Variants in SPOCK3 observed in about 807,000 individuals in gnomAD.
SPOCK3 encodes the protein SPARC (osteonectin), cwcv and kazal like domains proteoglycan 3, also known as testican-3.
SPOCK3 carries 30 observed loss-of-function variants against 56.6 expected under a neutral mutation model. The observed-to-expected ratio is 0.53, with a 90% CI of 0.40 to 0.72. SPOCK3 has a LOEUF of 0.72. Among genes scored for constraint, SPOCK3 ranks in the 30% least tolerant of loss-of-function variants. The probability of loss-of-function intolerance (pLI) is 0.00; values close to 1 mark genes in which losing one functional copy is unlikely to be tolerated. For missense variants in SPOCK3, 527 were observed against 530.0 expected (o/e 0.99, Z 0.06); for synonymous variants, 196 against 183.3 (o/e 1.07, Z -0.56).
intron 4 of SPOCK3, among the ~76,000 whole-genome samples, chr4:166,957,607 T>C (rs1743639645): frequency 2.0e-5 from 3 of 152,216 alleles, no homozygotes; most frequent in African/African-American, 7.2e-5. Context: ...ATCTTGTGTA[T>C]GCATCACTTA....
At chr4:166,767,401 C>G (rs28845175) in intron 7 of SPOCK3, among the ~76,000 whole-genome samples, 1 of 151,680 alleles carries the variant, frequency 6.6e-6, no homozygotes, top group African/African-American at 2.4e-5. Context: ...TTTGTTCTCA[C>G]TGGTTTCAAA....
intron 2 of SPOCK3, among the ~76,000 whole-genome samples, chr4:167,149,829 GTATATATATATGTATATATATA>G (rs1179907124): frequency 1.4e-5 from 1 of 70,754 alleles, no homozygotes; most frequent in South Asian, 6.4e-4. Flanking sequence ...TATATGGTGT[GTATATATATATGTATATATATA>G]TATATACACA....
At chr4:167,210,800 T>C (rs965232339) in intron 2 of SPOCK3, among the ~76,000 whole-genome samples, 1 of 152,002 alleles carries the variant, frequency 6.6e-6, no homozygotes, top group Non-Finnish European at 1.5e-5. Context: ...GAGAGCAAAA[T>C]AGGTAAGTGC....
intron 4 of SPOCK3, among the ~76,000 whole-genome samples, chr4:166,990,748 ATAAAATGAATTTAT>A (rs563627934): frequency 5.3e-5 from 8 of 152,132 alleles, no homozygotes; most frequent in Non-Finnish European, 1.2e-4. Flanking sequence ...CATGATTAAA[ATAAAATGAATTTAT>A]TAATGAATTC....
chr4:166,883,693 C>T (rs1733904653), intron 6 of SPOCK3, among the ~76,000 whole-genome samples: 1 of 152,152 alleles, frequency 6.6e-6, no homozygotes, highest in African/African-American at 2.4e-5. Context: ...CATCAAGGGC[C>T]AAGGTTTGAA....
At chr4:166,840,750 T>TTCA (rs1250188236) in intron 6 of SPOCK3, among the ~76,000 whole-genome samples, 1 of 149,056 alleles carries the variant, frequency 6.7e-6, no homozygotes, top group Non-Finnish European at 1.5e-5. Context: ...CTATGTCTAA[T>TTCA]TCATCTTCCC....
intron 4 of SPOCK3, among the ~76,000 whole-genome samples, chr4:166,922,559 T>TTCATGCTCTAATGACATCTC (rs1287743727): frequency 6.6e-6 from 1 of 152,204 alleles, no homozygotes; most frequent in Non-Finnish European, 1.5e-5. Context: ...CTGAGTCCCT[T>TTCATGCTCTAATGACATCTC]TCATGCTCTA....
At chr4:166,845,282 T>A (rs72697533) in intron 6 of SPOCK3, among the ~76,000 whole-genome samples, 7,549 of 152,222 alleles carry the variant, frequency 0.05, 258 homozygotes, top group Middle Eastern at 0.065. Flanking sequence ...AAAGAACAAT[T>A]GGTAAACCAA....
At position 166,800,183 on chromosome 4, in the gene SPOCK3, G is replaced by GAA. The variant is rs367811359; in HGVS notation, c.590-7896_590-7895dup. On this transcript the variant is annotated intron_variant, in intron 6 of 10. Transcript: ENST00000357545. The stretch of plus-strand genomic sequence containing the variant: ...GGCGACAGAGAGAGACTCCATCTCA[G>GAA]AAAAAAAAAAAAAAAAAAAAAAATG... Among the ~76,000 whole-genome samples the GAA allele has an allele frequency of 1.5e-3, 78 of 51,624 alleles. 1 individual carries two copies. The South Asian group carries it at 0.023, about 15-fold the overall frequency. 33.9% of individuals were successfully genotyped at this position (51,624 alleles called of 152,430 possible). A position where few individuals can be genotyped will look rare whatever the true frequency, so the allele number is the denominator to read the frequency against.
intron 2 of SPOCK3, among the ~76,000 whole-genome samples, chr4:167,188,035 A>G (rs1350138348): frequency 6.8e-6 from 1 of 147,438 alleles, no homozygotes; most frequent in East Asian, 2.0e-4. Flanking sequence ...GAGTTTCATA[A>G]AAGAGTCTGC....
At chr4:167,105,029 A>G (rs1259550863) in intron 2 of SPOCK3, among the ~76,000 whole-genome samples, 1 of 152,070 alleles carries the variant, frequency 6.6e-6, no homozygotes, top group Non-Finnish European at 1.5e-5. Flanking sequence ...TTCAAATATG[A>G]AAGAGAAATA....
chr4:166,869,606 CTGTG>C (rs34623275), intron 6 of SPOCK3, among the ~76,000 whole-genome samples: 5,760 of 141,848 alleles, frequency 0.041, 136 homozygotes, highest in African/African-American at 0.075. Flanking sequence ...CAATAGAATT[CTGTG>C]TGTGTGTGTG....
intron 6 of SPOCK3, among the ~76,000 whole-genome samples, chr4:166,816,005 T>C (rs1353075024): frequency 6.6e-6 from 1 of 152,104 alleles, no homozygotes; most frequent in Admixed American, 6.6e-5. Flanking sequence ...TGCATTCTTA[T>C]AGTTACAGAG....
At chr4:167,233,158 T>C (rs976232132) in intron 2 of SPOCK3, among the ~76,000 whole-genome samples, 1 of 152,158 alleles carries the variant, frequency 6.6e-6, no homozygotes, top group Non-Finnish European at 1.5e-5. Context: ...GCTCTGTACG[T>C]GAGCAGCTCT....
At chr4:166,814,602 T>C (rs1282552014) in intron 6 of SPOCK3, among the ~76,000 whole-genome samples, 1 of 152,098 alleles carries the variant, frequency 6.6e-6, no homozygotes, top group East Asian at 1.9e-4. Flanking sequence ...TCCAGGTTCT[T>C]TGACCTTTGG....
intron 2 of SPOCK3, among the ~76,000 whole-genome samples, chr4:167,192,406 T>C (rs577753953): frequency 6.8e-6 from 1 of 146,006 alleles, no homozygotes; most frequent in Non-Finnish European, 1.5e-5. Context: ...CAGGAAGCCA[T>C]CTGTTCCTGG....
At chr4:167,206,081 T>C (rs1734299779) in intron 2 of SPOCK3, among the ~76,000 whole-genome samples, 1 of 152,132 alleles carries the variant, frequency 6.6e-6, no homozygotes, top group African/African-American at 2.4e-5. Flanking sequence ...TTATGAACTT[T>C]GGGAGGACGG....
At position 167,010,916 on chromosome 4, in the gene SPOCK3, T is replaced by C. The variant is rs150552834; in HGVS notation, c.236-10453A>G. Among the ~76,000 whole-genome samples the C allele has an allele frequency of 7.8e-3, 1,185 of 152,256 alleles. 12 individuals are homozygous for C. Among genetic ancestry groups the C allele is most frequent in the African/African-American group, 0.027 (1,115 of 41,556 alleles). On this transcript the variant is annotated intron_variant, in intron 3 of 10. Transcript: ENST00000357545. ...AATGTGATCTAAAATCCCAGCACTC[T>C]TCAGAAGGGCAATGGAGCAAATTAT...
chr4:167,216,092 T>A (rs1735325336), intron 2 of SPOCK3, among the ~76,000 whole-genome samples: 1 of 152,134 alleles, frequency 6.6e-6, no homozygotes, highest in Admixed American at 6.6e-5. Context: ...GTGTCTCACT[T>A]CAGACTTCTT....
Sources: allele counts gnomAD v4.1 joint callset (sites outside exome capture counted in the v4.1 genomes callset), GRCh38; gene constraint gnomAD v4.1.1; transcripts MANE v1.5; gene names NCBI Gene and HGNC (gene_info 2026-07-23, HGNC 2026-07-21).